Variants in SIMC1 observed in about 807,000 individuals in gnomAD.
SIMC1 encodes the protein SUMO interacting motifs containing 1.
A neutral mutation model predicts 82.3 loss-of-function variants in SIMC1; 55 were observed. The ratio of observed to expected loss-of-function variants is 0.67; its 90% CI spans 0.54 to 0.84. The LOEUF (loss-of-function observed/expected upper bound fraction) is 0.84. Ranked by LOEUF, SIMC1 falls within the 40% of genes least tolerant of loss-of-function variation. The pLI is 0.00. For missense variants in SIMC1, 915 were observed against 1,107.2 expected (o/e 0.83, Z 2.46); for synonymous variants, 353 against 426.3 (o/e 0.83, Z 2.12).
At chr5:176,305,885 G>C (rs1581283627) in intron 4 of SIMC1, among the ~76,000 whole-genome samples, 2 of 76,966 alleles carry the variant, frequency 2.6e-5, no homozygotes, top group Admixed American at 1.1e-4. Flanking sequence ...CCGGCCAGCC[G>C]CCCCGTCCGG....
chr5:176,251,600 T>TA (rs1289676128), intron 1 of SIMC1, among the ~76,000 whole-genome samples: 15 of 151,784 alleles, frequency 9.9e-5, no homozygotes, highest in East Asian at 7.8e-4. Context: ...TTTTTTTTTT[T>TA]ATTGATCATT....
chr5:176,342,846 G>C (rs780677953), intron 9 of SIMC1, among the ~76,000 whole-genome samples: 8 of 152,104 alleles, frequency 5.3e-5, no homozygotes, highest in Non-Finnish European at 1.2e-4. Context: ...AATCAATATT[G>C]TTGACTAACT....
At chr5:176,300,468 G>A (rs764842276) in intron 4 of SIMC1, among the ~76,000 whole-genome samples, 86 of 141,216 alleles carry the variant, frequency 6.1e-4, no homozygotes, top group Non-Finnish European at 1.1e-3. Context: ...ACAAGCATGC[G>A]TCACCATACT....
intron 1 of SIMC1, among the ~76,000 whole-genome samples, chr5:176,269,692 A>G (rs1226501393): frequency 3.3e-5 from 5 of 152,228 alleles, no homozygotes; most frequent in Non-Finnish European, 7.3e-5. Flanking sequence ...CGATAACAAA[A>G]ACAGAAAAAT....
chr5:176,289,573 T>C lies in SIMC1; in HGVS notation c.130-81T>C, dbSNP rs907028443. ...TGAAATGGTAAAGTAATGCTTATCC[T>C]TAAAAGCTAAGACTTAAGTCATCTC... On this transcript the variant is annotated intron_variant, in intron 1 of 9. Coordinates refer to ENST00000429602, the MANE Select transcript of SIMC1 (RefSeq NM_001308195.2). The C allele has an allele frequency of 2.6e-6, 3 of 1,146,500 alleles. No homozygotes were observed. The African/African-American group carries it at 4.7e-5, about 18-fold the overall frequency. 71.0% of individuals were successfully genotyped at this position (1,146,500 alleles called of 1,614,324 possible). A position where few individuals can be genotyped will look rare whatever the true frequency, so the allele number is the denominator to read the frequency against.
intron 5 of SIMC1, among the ~76,000 whole-genome samples, chr5:176,317,075 T>C (rs1764944941): frequency 6.6e-6 from 1 of 152,100 alleles, no homozygotes. Context: ...GCTTACTCAA[T>C]GAAAAAAATC....
In SIMC1 at chr5:176,289,952, C is replaced by T. The variant is rs754197529; in HGVS notation, c.428C>T (p.Pro143Leu). Residue 143 changes from proline (P) to leucine (L), a missense_variant, in exon 2 of 10, where the codon CCC becomes CTC. Coordinates refer to ENST00000429602, the MANE Select transcript of SIMC1 (RefSeq NM_001308195.2). ...DLVEENTFVGPPPATSISGGS... is the reference protein window; with the variant it reads ...DLVEENTFVGLPPATSISGGS... Reference sequence around the variant, plus strand: ...GTGGAAGAAAACACCTTTGTAGGTCCCCCACCCGCTACATCCATCAGTGGA... The same window carrying T: ...GTGGAAGAAAACACCTTTGTAGGTCTCCCACCCGCTACATCCATCAGTGGA... The T allele has an allele frequency of 6.2e-7, 1 of 1,613,686 alleles. No homozygotes were observed. The highest frequency in any genetic ancestry group is 8.5e-7 in the Non-Finnish European group (1 of 1,179,856).
In SIMC1 at chr5:176,290,267, C is replaced by T. The variant is rs1259021804; in HGVS notation, c.743C>T (p.Ser248Leu). 1 of 1,613,696 alleles carries T rather than the reference C, an allele frequency of 6.2e-7. No individual in the cohort carries two copies. The highest frequency in any genetic ancestry group is 8.5e-7 in the Non-Finnish European group (1 of 1,179,862). ...RASSCPPRAL[S>L]CPSQTMQCQL... is the part of the protein sequence containing the mutation. Reference sequence around the variant, plus strand: ...TCCTCATGCCCACCACGAGCCTTGTCATGCCCATCACAAACCATGCAGTGC... The same window carrying T: ...TCCTCATGCCCACCACGAGCCTTGTTATGCCCATCACAAACCATGCAGTGC... Residue 248 changes from serine (S) to leucine (L), a missense_variant, in exon 2 of 10, where the codon TCA becomes TTA. Ser to Leu is a moderately radical substitution (Grantham distance 145, BLOSUM62 -2). Around this residue, in one of 2 missense-constraint regions of SIMC1, gnomAD observed 902 missense variants for 1,040.3 expected, o/e 0.87. Coordinates refer to ENST00000429602, the MANE Select transcript of SIMC1 (RefSeq NM_001308195.2).
At chr5:176,343,651 T>C (rs1265911479) in intron 9 of SIMC1, among the ~76,000 whole-genome samples, 1 of 152,248 alleles carries the variant, frequency 6.6e-6, no homozygotes, top group Non-Finnish European at 1.5e-5. Flanking sequence ...TCTGAAACAG[T>C]TGATAAGTGC....
At chr5:176,279,714 C>G (rs1187800170) in intron 1 of SIMC1, among the ~76,000 whole-genome samples, 2 of 150,690 alleles carry the variant, frequency 1.3e-5, no homozygotes, top group Non-Finnish European at 3.0e-5. Context: ...TTTATTTCTG[C>G]CTTCATTTCG....
At position 176,295,139 on chromosome 5, in the gene SIMC1, T is replaced by G; in HGVS notation, c.1541T>G (p.Val514Gly). The G allele has an allele frequency of 6.2e-7, 1 of 1,613,688 alleles. No homozygotes were observed. The highest frequency in any genetic ancestry group is 8.5e-7 in the Non-Finnish European group (1 of 1,179,686). Residue 514 changes from valine (V) to glycine (G), a missense_variant, in exon 3 of 10, where the codon GTG becomes GGG. Coordinates refer to ENST00000429602, the MANE Select transcript of SIMC1 (RefSeq NM_001308195.2). Reference protein sequence around the residue: ...LGTVQFLMDFVSPQHYPPREI... With the variant: ...LGTVQFLMDFGSPQHYPPREI... ...ACTGTGCAGTTTTTGATGGACTTTG[T>G]GTCACCCCAGCATTACCCACCAAGA...
Position 176,322,310 on chromosome 5 carries a change from G to A in SIMC1, c.1927G>A (p.Asp643Asn). ...IKWLVKAVTEDGLTQPPNGNQ... is the reference protein window; with the variant it reads ...IKWLVKAVTENGLTQPPNGNQ... Reference sequence around the variant, plus strand: ...GTGGCTGGTCAAAGCAGTAACTGAAGATGGATTGACTCAGCCCCCAAATGG... The same window carrying A: ...GTGGCTGGTCAAAGCAGTAACTGAAAATGGATTGACTCAGCCCCCAAATGG... Residue 643 changes from aspartate (D) to asparagine (N), a missense_variant, in exon 6 of 10, where the codon GAT becomes AAT. Coordinates refer to ENST00000429602, the MANE Select transcript of SIMC1 (RefSeq NM_001308195.2). 2 of 1,577,034 alleles carry A rather than the reference G, an allele frequency of 1.3e-6. No homozygotes were observed. The highest frequency in any genetic ancestry group is 1.3e-5 in the African/African-American group (1 of 74,194).
At chr5:176,311,452 G>A (rs776036547) in intron 4 of SIMC1, among the ~76,000 whole-genome samples, 12 of 151,502 alleles carry the variant, frequency 7.9e-5, no homozygotes, top group South Asian at 2.1e-4. Flanking sequence ...CTATGTTTCC[G>A]GGGCTGGTCT....
intron 1 of SIMC1, among the ~76,000 whole-genome samples, chr5:176,252,344 G>A (rs1212334925): frequency 9.2e-5 from 14 of 151,600 alleles, no homozygotes; most frequent in South Asian, 8.4e-4. Flanking sequence ...CTTCCCAGAC[G>A]GGGTGGCTGC....
rs1040049688 is a variant in SIMC1 at position 176,304,456 on chromosome 5, C to T, written c.1734+8136C>T. The T allele has an allele frequency of 4.4e-4, 76 of 173,034 alleles. 2 individuals are homozygous for T. Among genetic ancestry groups the T allele is most frequent in the Non-Finnish European group, 7.5e-4 (61 of 81,380 alleles). 10.7% of individuals were successfully genotyped at this position (173,034 alleles called of 1,614,324 possible). Reference sequence around the variant, plus strand: ...TGCCAACCTCGGCCTCCCGAGGTGCCGGGATTGCAGATGGAGTCTCGTTCA... The same window carrying T: ...TGCCAACCTCGGCCTCCCGAGGTGCTGGGATTGCAGATGGAGTCTCGTTCA... On this transcript the variant is annotated intron_variant, in intron 4 of 9. Transcript: ENST00000429602.
intron 7 of SIMC1, among the ~76,000 whole-genome samples, chr5:176,334,730 A>C (rs1320695667): frequency 6.6e-6 from 1 of 152,166 alleles, no homozygotes. Flanking sequence ...CTCTGCCTTC[A>C]TTAGAAAGTG....
chr5:176,284,734 C>A (rs1428333109), intron 1 of SIMC1, among the ~76,000 whole-genome samples: 2 of 152,046 alleles, frequency 1.3e-5, no homozygotes, highest in Non-Finnish European at 2.9e-5. Flanking sequence ...ATCAATGAAT[C>A]TAGGAGCTGG....
intron 1 of SIMC1, among the ~76,000 whole-genome samples, chr5:176,277,860 T>C (rs1313634991): frequency 6.6e-6 from 1 of 151,638 alleles, no homozygotes; most frequent in East Asian, 1.9e-4. Flanking sequence ...AGCCTTGTAG[T>C]ATAGTTTGAA....
intron 1 of SIMC1, among the ~76,000 whole-genome samples, chr5:176,272,376 C>T (rs1222906829): frequency 1.8e-5 from 2 of 112,636 alleles, no homozygotes; most frequent in African/African-American, 2.8e-5. Flanking sequence ...TTAGCAATTG[C>T]AATAAGGCAA....
Sources: gnomAD v4.1 joint callset for allele counts (sites outside exome capture counted in the v4.1 genomes callset) on GRCh38, gnomAD v4.1.1 for gene constraint, gnomAD v4.1.1 regional missense constraint, MANE v1.5 for transcripts, NCBI Gene and HGNC (gene_info 2026-07-23, HGNC 2026-07-21) for gene names.